The following GSDMB variants were observed in gnomAD, a reference collection of about 807,000 sequenced individuals.
GSDMB encodes gasdermin B.
Under a neutral mutation model 42.9 loss-of-function variants are expected in GSDMB, and 32 were observed. The observed-to-expected ratio is 0.75, with a 90% CI of 0.56 to 1.00. The LOEUF (loss-of-function observed/expected upper bound fraction) is 1.00, where lower values mean the gene tolerates loss of function less well. Among genes scored for constraint, GSDMB ranks in the 50% least tolerant of loss-of-function variants. The probability of loss-of-function intolerance (pLI) is 0.00; values close to 1 mark genes in which losing one functional copy is unlikely to be tolerated. For missense variants in GSDMB, 468 were observed against 498.5 expected (o/e 0.94, Z 0.58); for synonymous variants, 175 against 193.7 (o/e 0.90, Z 0.80).
At chr17:39,915,459 G>C (rs2063693212) in intron 2 of GSDMB, among the ~76,000 whole-genome samples, 1 of 152,180 alleles carries the variant, frequency 6.6e-6, no homozygotes, top group Non-Finnish European at 1.5e-5. Flanking sequence ...TTCCTTAAAG[G>C]AAGTTGACTG....
Position 39,912,555 on chromosome 17 carries a change from A to G in GSDMB, c.236-58T>C. ...CAGACCCCCAAAAGATCTCTCTCCA[A>G]AACACCCTCCCTGGGGCAGCCCCAT... is the stretch of plus-strand genomic sequence containing the variant. On this transcript the variant is annotated intron_variant, in intron 2 of 10. Coordinates refer to ENST00000418519, the MANE Select transcript of GSDMB (RefSeq NM_001165958.2). The G allele has an allele frequency of 2.2e-6, 3 of 1,378,184 alleles. No individual in the cohort carries two copies. In the South Asian group the frequency reaches 3.5e-5, roughly 16 times the overall value. The allele number at this position is 1,378,184 out of a possible 1,614,324, so 85.4% of individuals were successfully genotyped here.
intron 4 of GSDMB, 96 bp downstream of exon 4, chr17:39,909,660 G>T: frequency 9.0e-7 from 1 of 1,108,800 alleles, no homozygotes; most frequent in Non-Finnish European, 1.3e-6. Context: ...GCTGCTCGGA[G>T]AGGAGTGAAG....
At chr17:39,909,991 C>T in intron 3 of GSDMB, 67 bp from the exon 4 acceptor site, 1 of 1,196,168 alleles carries the variant, frequency 8.4e-7, no homozygotes, top group Non-Finnish European at 1.2e-6. Flanking sequence ...ACTCTTTTCC[C>T]TCTCTGTGAG....
intron 4 of GSDMB, 76 bp from the exon 5 acceptor site, chr17:39,909,118 C>T (rs1182696381): frequency 1.2e-6 from 1 of 832,248 alleles, no homozygotes. Context: ...CCAAACAATC[C>T]TGTGAGGCAG....
At position 39,905,019 on chromosome 17, in the gene GSDMB, G is replaced by A. The variant is rs1272764620; in HGVS notation, c.1099-55C>T. Reference sequence around the variant, plus strand: ...CTAGGAACAACGATATACCAGAAATGGCAAATATTTGGCCACACTCCTTGC... The same window carrying A: ...CTAGGAACAACGATATACCAGAAATAGCAAATATTTGGCCACACTCCTTGC... On this transcript the variant is annotated intron_variant, in intron 10 of 10. Transcript: ENST00000418519. 5 of 1,502,922 alleles carry A rather than the reference G, an allele frequency of 3.3e-6. No individual in the cohort carries two copies. In the African/African-American group the frequency reaches 5.5e-5, roughly 17 times the overall value. 93.1% of individuals were successfully genotyped at this position (1,502,922 alleles called of 1,614,324 possible).
At chr17:39,909,352 C>T (rs764528298) in intron 4 of GSDMB, 4 of 401,640 alleles carry the variant, frequency 1.0e-5, no homozygotes, top group Non-Finnish European at 1.8e-5. Flanking sequence ...AGGAGACAGA[C>T]AATAAACAAG....
intron 3 of GSDMB, 41 bp from the exon 4 acceptor site, chr17:39,909,965 G>A: frequency 1.4e-6 from 2 of 1,461,418 alleles, no homozygotes; most frequent in Non-Finnish European, 1.9e-6. Flanking sequence ...GGATCTCAGG[G>A]CCTTACCTCC....
intron 5 of GSDMB, 110 bp from the exon 6 acceptor site, chr17:39,908,324 CAAAAAAA>C (rs3076830): frequency 5.7e-4 from 139 of 245,506 alleles, no homozygotes; most frequent in South Asian, 9.7e-4. Flanking sequence ...AGCCTCCAAT[CAAAAAAA>C]AAAAAAAAAA....
At position 39,916,595 on chromosome 17, in the gene GSDMB, T is replaced by C. The variant is rs148227776; in HGVS notation, c.235+487A>G. ...GTGAGCCACCGCACCCATCCCTCACTTGATTCTTACAACAGTCCTCTAGAG... is the reference window on the plus strand; with the variant it reads ...GTGAGCCACCGCACCCATCCCTCACCTGATTCTTACAACAGTCCTCTAGAG... On this transcript the variant is annotated intron_variant, in intron 2 of 10. Coordinates refer to ENST00000418519, the MANE Select transcript of GSDMB (RefSeq NM_001165958.2). 3.3e-3 allele frequency among the ~76,000 whole-genome samples: 496 copies of C among 152,158 alleles called. 20 individuals carry two copies. The highest frequency in any genetic ancestry group is 0.031 in the Admixed American group (477 of 15,250).
intron 3 of GSDMB, 85 bp downstream of exon 3, chr17:39,912,220 TAAAAATAAATAAATTTTAAAA>T (rs2063623757): frequency 3.9e-6 from 3 of 771,838 alleles, no homozygotes; most frequent in Non-Finnish European, 6.3e-6. Flanking sequence ...AAAAGAAAAA[TAAAAATAAATAAATTTTAAAA>T]AGAGCCGGTC....
chr17:39,905,685 G>A (rs149747579), intron 9 of GSDMB, among the ~76,000 whole-genome samples, 162 bp downstream of exon 9: 2 of 152,138 alleles, frequency 1.3e-5, no homozygotes, highest in Non-Finnish European at 2.9e-5. Flanking sequence ...AGTCACAGAC[G>A]AGGAACCAGC....
chr17:39,905,753 G>T, intron 9 of GSDMB, 94 bp downstream of exon 9: 1 of 1,373,046 alleles, frequency 7.3e-7, no homozygotes, highest in Non-Finnish European at 1.0e-6. Flanking sequence ...ACTGTGAAGA[G>T]CAACATGCAG....
At chr17:39,909,966 C>A in intron 3 of GSDMB, 42 bp from the exon 4 acceptor site, 1 of 1,465,848 alleles carries the variant, frequency 6.8e-7, no homozygotes, top group Non-Finnish European at 9.5e-7. Flanking sequence ...GATCTCAGGG[C>A]CTTACCTCCC....
rs1426259268 is a variant in GSDMB, at chr17:39,906,956, C to T, written c.727+5G>A. Reference sequence around the variant, plus strand: ...ACCCTGAACACACTTGGCTATCACCCTTACCTAAACAGGATGAAGCACCAT... The same window carrying T: ...ACCCTGAACACACTTGGCTATCACCTTTACCTAAACAGGATGAAGCACCAT... On this transcript the variant is annotated splice_donor_5th_base_variant and intron_variant, in intron 7 of 10. Coordinates refer to ENST00000418519, the MANE Select transcript of GSDMB (RefSeq NM_001165958.2). 2.5e-6 allele frequency: 4 copies of T among 1,613,914 alleles called. No individual in the cohort carries two copies. The African/African-American group carries it at 5.3e-5, about 22-fold the overall frequency.
intron 10 of GSDMB, 101 bp from the exon 11 acceptor site, chr17:39,905,065 G>A (rs528056092): frequency 1.4e-5 from 13 of 949,136 alleles, no homozygotes; most frequent in South Asian, 7.3e-5. Flanking sequence ...ATAGGCAGAC[G>A]TAATAATCCA....
At chr17:39,914,961 C>T (rs1407407595) in intron 2 of GSDMB, among the ~76,000 whole-genome samples, 5 of 151,882 alleles carry the variant, frequency 3.3e-5, no homozygotes, top group South Asian at 4.2e-4. Flanking sequence ...CTCAGCCTCC[C>T]GAGTAGCTGG....
In GSDMB at chr17:39,909,815, C is replaced by T. The variant is rs779951002; in HGVS notation, c.517G>A (p.Asp173Asn). The T allele has an allele frequency of 1.3e-5, 21 of 1,614,008 alleles. No homozygotes were observed. Among genetic ancestry groups the T allele is most frequent in the Middle Eastern group, 3.3e-4 (2 of 6,070 alleles). Residue 173 changes from aspartate to asparagine, a missense_variant, in exon 4 of 11, where the codon GAC becomes AAC. Coordinates refer to ENST00000418519, the MANE Select transcript of GSDMB (RefSeq NM_001165958.2). ...TGGCTCCAAAATTTATATTGCCGGT[C>T]GCTTTTCAGGGTTTCCTCCTTTACC... ...ETVKEETLKS[D>N]RQYKFWSQIS... is the part of the protein sequence containing the mutation.
Position 39,906,096 on chromosome 17 carries a change from C to T in GSDMB, c.888+15G>A, listed in dbSNP as rs1453555990. 1 of 1,613,994 alleles carries T rather than the reference C, an allele frequency of 6.2e-7. No homozygotes were observed. Among genetic ancestry groups the T allele is most frequent in the East Asian group, 2.2e-5 (1 of 44,890 alleles). ...CTATCTCTCTCTGCCCCAAGGCTTT[C>T]TTAGGGTCCCTTACTCTTTGCTCTA... On this transcript the variant is annotated intron_variant, in intron 8 of 10. Coordinates refer to ENST00000418519, the MANE Select transcript of GSDMB (RefSeq NM_001165958.2).
chr17:39,906,770 G>A, intron 7 of GSDMB, 191 bp downstream of exon 7: 2 of 1,387,604 alleles, frequency 1.4e-6, no homozygotes, highest in Non-Finnish European at 9.4e-7. Flanking sequence ...TGATTTTGGG[G>A]TATAACCAAT....
Sources: gnomAD v4.1 joint callset for allele counts (sites outside exome capture counted in the v4.1 genomes callset) on GRCh38, gnomAD v4.1.1 for gene constraint, MANE v1.5 for transcripts, NCBI Gene and HGNC (gene_info 2026-07-23, HGNC 2026-07-21) for gene names.